The following CUEDC1 variants were observed in gnomAD, a reference collection of about 807,000 sequenced individuals.
CUEDC1 encodes CUE domain-containing protein 1.
Under a neutral mutation model 43.7 loss-of-function variants are expected in CUEDC1, and 30 were observed. The ratio of observed to expected loss-of-function variants is 0.69; its 90% CI spans 0.51 to 0.93. CUEDC1 has a LOEUF of 0.93. CUEDC1 is among the 40% of genes least tolerant of loss of function. The pLI, the probability that CUEDC1 is intolerant of heterozygous loss-of-function variation, is 0.00. For missense variants in CUEDC1, 486 were observed against 549.0 expected (o/e 0.89, Z 1.15); for synonymous variants, 223 against 223.6 (o/e 1.00, Z 0.02).
intron 1 of CUEDC1, among the ~76,000 whole-genome samples, chr17:57,946,363 G>A (rs1297846138): frequency 6.6e-6 from 1 of 152,152 alleles, no homozygotes; most frequent in Non-Finnish European, 1.5e-5. Flanking sequence ...GGAAACATCT[G>A]TGTATGCCTC....
intron 1 of CUEDC1, among the ~76,000 whole-genome samples, chr17:57,947,270 T>C (rs1402064236): frequency 6.6e-6 from 1 of 152,078 alleles, no homozygotes; most frequent in East Asian, 1.9e-4. Context: ...TGCTGCTACT[T>C]CTCTCTTATT....
intron 1 of CUEDC1, among the ~76,000 whole-genome samples, chr17:57,934,559 TAAAAA>T (rs575832390): frequency 1.5e-5 from 1 of 65,366 alleles, no homozygotes; most frequent in South Asian, 6.0e-4. Context: ...CCTGTCTCTC[TAAAAA>T]AAAAAAAAAA....
chr17:57,922,156 G>A (rs1189462723), intron 1 of CUEDC1, among the ~76,000 whole-genome samples: 2 of 152,224 alleles, frequency 1.3e-5, no homozygotes, highest in East Asian at 3.9e-4. Context: ...AGCAGCAAAT[G>A]TTACCCCTGG....
intron 3 of CUEDC1, 60 bp from the exon 4 acceptor site, chr17:57,873,777 G>A: frequency 2.0e-6 from 3 of 1,464,856 alleles, no homozygotes; most frequent in African/African-American, 2.9e-5. Context: ...AGGTCTCCTG[G>A]CCCCATCACA....
At chr17:57,933,479 G>GTTCTCCCC (rs2074829949) in intron 1 of CUEDC1, among the ~76,000 whole-genome samples, 1 of 152,114 alleles carries the variant, frequency 6.6e-6, no homozygotes, top group African/African-American at 2.4e-5. Flanking sequence ...TTCAGATGAA[G>GTTCTCCCC]AAGCCACTTT....
intron 1 of CUEDC1, among the ~76,000 whole-genome samples, chr17:57,939,813 G>A (rs1311687139): frequency 6.6e-6 from 1 of 152,136 alleles, no homozygotes; most frequent in Non-Finnish European, 1.5e-5. Context: ...ACTGGAAAGT[G>A]GACGGGTGTA....
intron 1 of CUEDC1, among the ~76,000 whole-genome samples, chr17:57,910,142 C>A (rs1015802850): frequency 5.9e-5 from 9 of 152,154 alleles, no homozygotes; most frequent in Non-Finnish European, 1.3e-4. Flanking sequence ...GCACACGCCA[C>A]CATGGCTGGC....
chr17:57,938,959 CCTTTTTTTTTTTTT>C (rs1221922044), intron 1 of CUEDC1, among the ~76,000 whole-genome samples: 6 of 111,680 alleles, frequency 5.4e-5, no homozygotes, highest in African/African-American at 2.0e-4. Context: ...CCGTGCCCAG[CCTTTTTTTTTTTTT>C]TTTTTTTTTT....
chr17:57,899,162 G>A lies in CUEDC1; in HGVS notation c.-315-13283C>T, dbSNP rs143812597. On this transcript the variant is annotated intron_variant, in intron 1 of 10. Transcript: ENST00000577830. Reference sequence around the variant, plus strand: ...GGGAGGCCGCCCGCCTCAGGCAGCCGGGACACCATCAGAAATTCCACCCAG... The same window carrying A: ...GGGAGGCCGCCCGCCTCAGGCAGCCAGGACACCATCAGAAATTCCACCCAG... Among the ~76,000 whole-genome samples, 629 of 152,268 alleles carry A rather than the reference G, an allele frequency of 4.1e-3. 4 individuals are homozygous for A. Among genetic ancestry groups the A allele is most frequent in the African/African-American group, 0.013 (559 of 41,562 alleles).
At chr17:57,888,734 A>T (rs775926073) in intron 1 of CUEDC1, among the ~76,000 whole-genome samples, 3 of 152,266 alleles carry the variant, frequency 2.0e-5, no homozygotes, top group Non-Finnish European at 4.4e-5. Flanking sequence ...AGGAGGCCCC[A>T]GAAGCTGATG....
intron 1 of CUEDC1, among the ~76,000 whole-genome samples, chr17:57,933,418 T>C (rs2074829026): frequency 6.6e-6 from 1 of 152,210 alleles, no homozygotes; most frequent in Admixed American, 6.5e-5. Flanking sequence ...CCTCTTATTT[T>C]ATACTAATCA....
intron 1 of CUEDC1, among the ~76,000 whole-genome samples, chr17:57,952,393 A>G (rs998378961): frequency 4.0e-5 from 6 of 151,720 alleles, no homozygotes; most frequent in Non-Finnish European, 7.4e-5. Flanking sequence ...CACCCAGCAA[A>G]TTTTTGTATT....
At chr17:57,864,334 G>A (rs1437071262) in intron 10 of CUEDC1, among the ~76,000 whole-genome samples, 1 of 152,200 alleles carries the variant, frequency 6.6e-6, no homozygotes, top group Non-Finnish European at 1.5e-5. Context: ...GCGCAGAAGT[G>A]TTGCTGGTGC....
At chr17:57,933,799 G>A (rs1309332193) in intron 1 of CUEDC1, among the ~76,000 whole-genome samples, 1 of 152,102 alleles carries the variant, frequency 6.6e-6, no homozygotes, top group East Asian at 1.9e-4. Context: ...AATGAACACA[G>A]GCCCAGAACA....
intron 1 of CUEDC1, among the ~76,000 whole-genome samples, chr17:57,929,074 G>C (rs2074778175): frequency 6.6e-6 from 1 of 152,128 alleles, no homozygotes; most frequent in Non-Finnish European, 1.5e-5. Context: ...CTAAAAACAA[G>C]GGTGTTCCTT....
At chr17:57,933,833 G>C (rs2074833783) in intron 1 of CUEDC1, among the ~76,000 whole-genome samples, 1 of 152,042 alleles carries the variant, frequency 6.6e-6, no homozygotes, top group South Asian at 2.1e-4. Flanking sequence ...CCCGACTTAT[G>C]GGCTGGGATC....
chr17:57,950,699 C>T (rs2074998848), intron 1 of CUEDC1, among the ~76,000 whole-genome samples: 1 of 152,158 alleles, frequency 6.6e-6, no homozygotes, highest in South Asian at 2.1e-4. Context: ...TCTCGAACTC[C>T]TGACCTCAGG....
chr17:57,868,124 C>G (rs367704835), intron 8 of CUEDC1, 26 bp downstream of exon 8: 1 of 1,594,206 alleles, frequency 6.3e-7, no homozygotes, highest in Non-Finnish European at 8.6e-7. Flanking sequence ...CCACCACCCC[C>G]ACCAGTGCCA....
intron 2 of CUEDC1, among the ~76,000 whole-genome samples, chr17:57,881,667 G>A (rs568175878): frequency 6.6e-6 from 1 of 152,290 alleles, no homozygotes; most frequent in South Asian, 2.1e-4. Context: ...CAGGGGAGGA[G>A]AGCGCAGTAG....
Sources: allele counts gnomAD v4.1 joint callset (sites outside exome capture counted in the v4.1 genomes callset), GRCh38; gene constraint gnomAD v4.1.1; transcripts MANE v1.5; gene names NCBI Gene and HGNC (gene_info 2026-07-23, HGNC 2026-07-21).